The following HS2ST1 variants were observed in gnomAD, a reference collection of about 807,000 sequenced individuals.
HS2ST1 encodes the protein heparan sulfate 2-O-sulfotransferase 1.
In HS2ST1, 18 loss-of-function variants were observed where a neutral mutation model predicts 42.9. That is an observed-to-expected ratio of 0.42 (90% confidence interval 0.29 to 0.62). The LOEUF (loss-of-function observed/expected upper bound fraction) is 0.62, where lower values mean the gene tolerates loss of function less well. Among genes scored for constraint, HS2ST1 ranks in the 20% least tolerant of loss-of-function variants. HS2ST1 has a pLI of 0.21. For missense variants in HS2ST1, 334 were observed against 433.8 expected (o/e 0.77, Z 2.04); for synonymous variants, 146 against 152.9 (o/e 0.95, Z 0.33).
At chr1:87,019,319 A>G (rs890932703) in intron 1 of HS2ST1, among the ~76,000 whole-genome samples, 2 of 152,202 alleles carry the variant, frequency 1.3e-5, no homozygotes, top group African/African-American at 2.4e-5. Flanking sequence ...ATATCCTTGG[A>G]TATTTCTTAA....
chr1:87,007,239 AGTTCATAC>A (rs1293472816), intron 1 of HS2ST1, among the ~76,000 whole-genome samples: 1 of 152,150 alleles, frequency 6.6e-6, no homozygotes, highest in Non-Finnish European at 1.5e-5. Flanking sequence ...TCAAGAATAT[AGTTCATAC>A]ACGTACTTTC....
At chr1:86,984,383 G>A (rs1570463894) in intron 1 of HS2ST1, among the ~76,000 whole-genome samples, 1 of 152,150 alleles carries the variant, frequency 6.6e-6, no homozygotes, top group African/African-American at 2.4e-5. Context: ...AATTCATTTG[G>A]TTTCCTCGAC....
intron 1 of HS2ST1, among the ~76,000 whole-genome samples, chr1:87,064,197 A>G (rs1353649685): frequency 1.3e-5 from 2 of 152,124 alleles, no homozygotes; most frequent in Non-Finnish European, 2.9e-5. Flanking sequence ...GGCTACAGAG[A>G]ATAGGTTTTT....
chr1:86,935,388 A>T (rs1168389685), intron 1 of HS2ST1, among the ~76,000 whole-genome samples: 1 of 147,120 alleles, frequency 6.8e-6, no homozygotes, highest in East Asian at 2.0e-4. Context: ...TTCTCTGGAA[A>T]TTTATTTCTC....
chr1:87,081,323 C>A (rs1311728259), intron 2 of HS2ST1, among the ~76,000 whole-genome samples: 1 of 152,078 alleles, frequency 6.6e-6, no homozygotes, highest in East Asian at 1.9e-4. Flanking sequence ...CAAAACAAGT[C>A]TTTAAAAGTT....
In HS2ST1 at chr1:87,045,085, C is replaced by T. The variant is rs1171418934; in HGVS notation, c.125-27849C>T. 3 of 983,954 alleles carry T rather than the reference C, an allele frequency of 3.0e-6. No homozygotes were observed. The Admixed American group carries it at 5.3e-5, about 17-fold the overall frequency. The allele number at this position is 983,954 out of a possible 1,614,324, so 61.0% of individuals were successfully genotyped here. On this transcript the variant is annotated intron_variant, in intron 1 of 6. Coordinates refer to ENST00000370550, the MANE Select transcript of HS2ST1 (RefSeq NM_012262.4). ...GAAGAATCTTCTTCATCCGAATCAA[C>T]TGTGAGAACATCATCTTGCTCTTGA...
chr1:86,914,753 G>T lies in HS2ST1; in HGVS notation c.-284G>T, dbSNP rs529101062. ...GGGTCGGGGACTGAGGCAGTAGAGGGAGGCGAGAGCCCGGCAGCCGCTTCG... is the reference window on the plus strand; with the variant it reads ...GGGTCGGGGACTGAGGCAGTAGAGGTAGGCGAGAGCCCGGCAGCCGCTTCG... On this transcript the variant is annotated 5_prime_UTR_variant, in exon 1 of 7. Transcript: ENST00000370550. The T allele has an allele frequency of 4.2e-4, 198 of 466,302 alleles. No individual in the cohort carries two copies. Among genetic ancestry groups the T allele is most frequent in the African/African-American group, 3.4e-3 (165 of 48,882 alleles). 28.9% of individuals were successfully genotyped at this position (466,302 alleles called of 1,614,324 possible). A position where few individuals can be genotyped will look rare whatever the true frequency, so the allele number is the denominator to read the frequency against.
chr1:86,918,271 G>A (rs1383837822), intron 1 of HS2ST1, among the ~76,000 whole-genome samples: 1 of 151,822 alleles, frequency 6.6e-6, no homozygotes, highest in Non-Finnish European at 1.5e-5. Context: ...AACAAATATG[G>A]CATTGTAGTC....
intron 1 of HS2ST1, among the ~76,000 whole-genome samples, chr1:87,001,961 G>A (rs528952496): frequency 1.3e-5 from 2 of 150,274 alleles, no homozygotes; most frequent in African/African-American, 4.9e-5. Flanking sequence ...TGCCCAGGCT[G>A]TAGTGCAGTG....
intron 1 of HS2ST1, among the ~76,000 whole-genome samples, chr1:86,971,484 G>A (rs1175960639): frequency 6.6e-6 from 1 of 151,972 alleles, no homozygotes; most frequent in African/African-American, 2.4e-5. Flanking sequence ...CCTAGGGTGG[G>A]GTTTTATTAT....
intron 1 of HS2ST1, among the ~76,000 whole-genome samples, chr1:86,959,873 G>A (rs1041818940): frequency 4.6e-5 from 7 of 152,140 alleles, no homozygotes; most frequent in Non-Finnish European, 8.8e-5. Context: ...TCTTCCCAAC[G>A]TGATCTATAG....
At chr1:87,026,713 T>C (rs1557520103) in intron 1 of HS2ST1, among the ~76,000 whole-genome samples, 1 of 152,102 alleles carries the variant, frequency 6.6e-6, no homozygotes, top group African/African-American at 2.4e-5. Flanking sequence ...TTTCCAACTT[T>C]AGATGTGTGA....
chr1:86,971,231 T>G (rs1648223482), intron 1 of HS2ST1, among the ~76,000 whole-genome samples: 1 of 152,104 alleles, frequency 6.6e-6, no homozygotes, highest in Non-Finnish European at 1.5e-5. Flanking sequence ...AGAGGGAAGG[T>G]CTATACATTA....
At chr1:86,980,553 A>G (rs1175225170) in intron 1 of HS2ST1, among the ~76,000 whole-genome samples, 2 of 152,188 alleles carry the variant, frequency 1.3e-5, no homozygotes, top group Non-Finnish European at 2.9e-5. Flanking sequence ...TAAACAATAA[A>G]TTAATAATTT....
At chr1:87,013,835 C>A (rs1649673753) in intron 1 of HS2ST1, among the ~76,000 whole-genome samples, 1 of 152,138 alleles carries the variant, frequency 6.6e-6, no homozygotes, top group Non-Finnish European at 1.5e-5. Flanking sequence ...CCACCAGATA[C>A]CCTAAGTTAT....
intron 1 of HS2ST1, among the ~76,000 whole-genome samples, chr1:87,000,232 G>A (rs545643552): frequency 2.6e-5 from 4 of 152,044 alleles, no homozygotes; most frequent in Non-Finnish European, 5.9e-5. Flanking sequence ...CTTATCAAAT[G>A]TACAGGTAAT....
chr1:87,032,903 C>T (rs1650273882), intron 1 of HS2ST1, among the ~76,000 whole-genome samples: 1 of 152,128 alleles, frequency 6.6e-6, no homozygotes, highest in Admixed American at 6.5e-5. Flanking sequence ...TCAGTTAGAC[C>T]ATGTGTGATT....
intron 1 of HS2ST1, among the ~76,000 whole-genome samples, chr1:87,013,491 AT>A (rs1327324947): frequency 1.1e-4 from 17 of 152,132 alleles, no homozygotes; most frequent in African/African-American, 3.9e-4. Flanking sequence ...CCAGGAAACC[AT>A]TTTTTCCTCC....
At chr1:87,027,061 TA>T (rs936908856) in intron 1 of HS2ST1, among the ~76,000 whole-genome samples, 1 of 152,154 alleles carries the variant, frequency 6.6e-6, no homozygotes, top group Non-Finnish European at 1.5e-5. Context: ...TACCTGAAAA[TA>T]TGAGTAAGTT....
Sources: allele counts gnomAD v4.1 joint callset (sites outside exome capture counted in the v4.1 genomes callset), GRCh38; gene constraint gnomAD v4.1.1; transcripts MANE v1.5; gene names NCBI Gene and HGNC (gene_info 2026-07-23, HGNC 2026-07-21).